RPS6KA2: variants seen among roughly 807,000 people sequenced by gnomAD.
RPS6KA2 encodes ribosomal protein S6 kinase A2.
Under a neutral mutation model 91.8 loss-of-function variants are expected in RPS6KA2, and 42 were observed. That is an observed-to-expected ratio of 0.46 (90% CI 0.36 to 0.59). The LOEUF is 0.59. Among genes scored for constraint, RPS6KA2 ranks in the 20% least tolerant of loss-of-function variants. RPS6KA2 has a pLI of 0.00. For missense variants in RPS6KA2, 798 were observed against 978.5 expected, an observed-to-expected ratio of 0.82 and a Z score of 2.46; for synonymous variants, 414 against 393.6, an observed-to-expected ratio of 1.05 and a Z score of -0.61.
At chr6:166,521,409 A>G (rs959966588) in intron 3 of RPS6KA2, among the ~76,000 whole-genome samples, 1 of 152,252 alleles carries the variant, frequency 6.6e-6, no homozygotes, top group Non-Finnish European at 1.5e-5. Flanking sequence ...TCTGGAGGGC[A>G]CAGCATCTAG....
At chr6:166,642,961 A>C (rs1424761958) in intron 2 of RPS6KA2, among the ~76,000 whole-genome samples, 1 of 152,232 alleles carries the variant, frequency 6.6e-6, no homozygotes, top group Non-Finnish European at 1.5e-5. Context: ...CTCTTGTTAA[A>C]GAACACCAGG....
rs373013755 is a variant in RPS6KA2 at position 166,508,291 on chromosome 6, G to A, written c.380-9C>T. 19 of 1,591,818 alleles carry A rather than the reference G, an allele frequency of 1.2e-5. No individual in the cohort carries two copies. The highest frequency in any genetic ancestry group is 1.5e-5 in the Non-Finnish European group (17 of 1,160,068). On this transcript the variant is annotated splice_polypyrimidine_tract_variant and intron_variant, in intron 4 of 20. Transcript: ENST00000265678. This position sits in a 1 kb window ranked among gnomAD's most constrained non-coding sequence, Gnocchi z 4.3. The stretch of plus-strand genomic sequence containing the variant: ...TCCTTCCGTCTGAAAGGCTGTGGGG[G>A]ACAGAGACCCGCATTTTGACAGCTT...
intron 2 of RPS6KA2, among the ~76,000 whole-genome samples, chr6:166,755,728 T>C (rs1295060987): frequency 6.6e-6 from 1 of 152,180 alleles, no homozygotes; most frequent in Non-Finnish European, 1.5e-5. Context: ...ACTGACATCT[T>C]TCGGACGTAA....
In RPS6KA2 at chr6:166,627,134, C is replaced by G; in HGVS notation, c.-115G>C. The G allele has an allele frequency of 1.7e-6, 2 of 1,143,958 alleles. No homozygotes were observed. The highest frequency in any genetic ancestry group is 4.8e-5 in the Admixed American group (1 of 20,784). The allele number at this position is 1,143,958 out of a possible 1,614,324, so 70.9% of individuals were successfully genotyped here. On this transcript the variant is annotated 5_prime_UTR_variant, in exon 1 of 21. Transcript: ENST00000265678. ...CGCGTGGCCAGGGAGCCCGGCACGG[C>G]GGCCATGGGCGCGGGGCGTGGGGCG...
chr6:166,802,244 T>C (rs1432716422), intron 2 of RPS6KA2, among the ~76,000 whole-genome samples: 1 of 150,882 alleles, frequency 6.6e-6, no homozygotes, highest in East Asian at 1.9e-4. Context: ...CACTCCAGCC[T>C]GGGCAACAGA....
rs896091976 is a variant in RPS6KA2, at chr6:166,433,177, C to T, written c.1333-687G>A. On this transcript the variant is annotated intron_variant, in intron 14 of 20. Coordinates refer to ENST00000265678, the MANE Select transcript of RPS6KA2 (RefSeq NM_021135.6). The surrounding 1 kb of genome is among the most constrained non-coding windows in gnomAD (Gnocchi z 4.4). ...CCACTGTGCACCTTCTGCCTTGTTC[C>T]GGGAATTACAAACCAGCCACAAAAT... Among the ~76,000 whole-genome samples the T allele has an allele frequency of 9.9e-5, 15 of 152,036 alleles. No homozygotes were observed. Among genetic ancestry groups the T allele is most frequent in the African/African-American group, 2.4e-4 (10 of 41,380 alleles).
chr6:166,670,931 G>A (rs568776780), intron 2 of RPS6KA2, among the ~76,000 whole-genome samples: 6 of 152,256 alleles, frequency 3.9e-5, no homozygotes, highest in East Asian at 1.9e-4. Flanking sequence ...AGTGGTTCTC[G>A]TGGCTCAGCC....
intron 1 of RPS6KA2, among the ~76,000 whole-genome samples, chr6:166,582,117 C>A (rs9968915): frequency 0.056 from 3,582 of 64,534 alleles, no homozygotes; most frequent in Middle Eastern, 0.12. Flanking sequence ...GCAGGAGGGC[C>A]CAGGGAGAGG....
intron 3 of RPS6KA2, among the ~76,000 whole-genome samples, chr6:166,527,314 G>T (rs1783090633): frequency 6.6e-6 from 1 of 152,146 alleles, no homozygotes; most frequent in African/African-American, 2.4e-5. Flanking sequence ...GAGAAAAGGA[G>T]CTCTTCCGGG....
rs1562562021 is a variant in RPS6KA2 at position 166,533,119 on chromosome 6, G to C, written c.217-1806C>G. Among the ~76,000 whole-genome samples the C allele has an allele frequency of 6.6e-6, 1 of 152,200 alleles. No individual in the cohort carries two copies. The highest frequency in any genetic ancestry group is 2.4e-5 in the African/African-American group (1 of 41,452). On this transcript the variant is annotated intron_variant, in intron 2 of 20. Transcript: ENST00000265678. The surrounding 1 kb of genome is among the most constrained non-coding windows in gnomAD (Gnocchi z 4.0). ...AGAGATGTGAAGGCAGTGGTCTGAG[G>C]ACAGGATTTTTACAGAGAGAAAAAC...
intron 1 of RPS6KA2, among the ~76,000 whole-genome samples, chr6:166,549,817 G>A (rs1011181526): frequency 4.6e-5 from 7 of 152,140 alleles, no homozygotes; most frequent in African/African-American, 9.7e-5. Context: ...GGTAAAATAC[G>A]AATAAGGTCT....
chr6:166,799,800 T>TCCA, intron 2 of RPS6KA2, among the ~76,000 whole-genome samples: 1 of 152,148 alleles, frequency 6.6e-6, no homozygotes, highest in African/African-American at 2.4e-5. Context: ...CAGGCGGTGT[T>TCCA]TGGTTCCATG....
Position 166,437,386 on chromosome 6 carries a change from G to T in RPS6KA2, c.1333-4896C>A, listed in dbSNP as rs2128448639. On this transcript the variant is annotated intron_variant, in intron 14 of 20. Transcript: ENST00000265678. The surrounding 1 kb of genome is among the most constrained non-coding windows in gnomAD (Gnocchi z 4.3). ...CAAAACAGGGAGGCCTTCTCAGCAA[G>T]CGTGGTGATGAACAAGGCCTCCCCT... 6.6e-6 allele frequency among the ~76,000 whole-genome samples: 1 copy of T among 152,352 alleles called. No homozygotes were observed. The highest frequency in any genetic ancestry group is 3.4e-3 in the Middle Eastern group (1 of 294).
At chr6:166,457,248 C>T (rs1218409323) in intron 12 of RPS6KA2, among the ~76,000 whole-genome samples, 1 of 152,226 alleles carries the variant, frequency 6.6e-6, no homozygotes, top group East Asian at 1.9e-4. Context: ...TTCAGGCCAA[C>T]AATAGGTGGA....
chr6:166,432,544 G>A (rs943793397), intron 14 of RPS6KA2, 54 bp from the exon 15 acceptor site: 1 of 1,096,214 alleles, frequency 9.1e-7, no homozygotes, highest in African/African-American at 1.5e-5. Flanking sequence ...CTTTCGGGTG[G>A]TATCTGCTGG....
At chr6:166,802,930 ATATGTG>A (rs1779405532) in intron 2 of RPS6KA2, among the ~76,000 whole-genome samples, 1 of 76,530 alleles carries the variant, frequency 1.3e-5, no homozygotes, top group Non-Finnish European at 3.1e-5. Context: ...TAATGTATGT[ATATGTG>A]TGTGTGTGTA....
In RPS6KA2 at chr6:166,749,760, T is replaced by C. The variant is rs570245867; in HGVS notation, c.123+108440A>G. Among the ~76,000 whole-genome samples the C allele has an allele frequency of 2.0e-3, 255 of 127,802 alleles. 5 individuals carry two copies. Among genetic ancestry groups the C allele is most frequent in the Admixed American group, 2.9e-3 (37 of 12,586 alleles). The allele number at this position is 127,802 out of a possible 152,430, so 83.8% of individuals were successfully genotyped here. ...GGCCCCTCTTCCTCAGGCCCCCATC[T>C]CCTCAGGCCCCCATTTCCTCAGGTC... On this transcript the variant is annotated intron_variant, in intron 2 of 21. Transcript: ENST00000503859.
chr6:166,511,831 C>A (rs1782486362), intron 3 of RPS6KA2, among the ~76,000 whole-genome samples: 1 of 152,002 alleles, frequency 6.6e-6, no homozygotes, highest in Non-Finnish European at 1.5e-5. Flanking sequence ...AACTTGGAAC[C>A]ATCATGCATT....
chr6:166,771,043 C>T (rs957561328), intron 2 of RPS6KA2: 1 of 685,146 alleles, frequency 1.5e-6, no homozygotes, highest in Non-Finnish European at 2.3e-6. Flanking sequence ...AAACATTAAT[C>T]TCCACATAAT....
Sources: gnomAD v4.1 joint callset for allele counts (sites outside exome capture counted in the v4.1 genomes callset) on GRCh38, gnomAD v4.1.1 for gene constraint, Gnocchi (gnomAD v3.1) non-coding constraint, MANE v1.5 for transcripts, NCBI Gene and HGNC (gene_info 2026-07-23, HGNC 2026-07-21) for gene names.